Variants in USP34 observed in about 807,000 individuals in gnomAD.
USP34 encodes the protein ubiquitin carboxyl-terminal hydrolase 34.
In USP34, 70 loss-of-function variants were observed where a neutral mutation model predicts 460.3. That is an observed-to-expected ratio of 0.15 (90% CI 0.13 to 0.19). The LOEUF (loss-of-function observed/expected upper bound fraction) is 0.19, where lower values mean the gene tolerates loss of function less well. Among genes scored for constraint, USP34 ranks in the 10% least tolerant of loss-of-function variants. USP34 has a pLI of 1.00. For missense variants in USP34, 3,985 were observed against 4,236.2 expected, an observed-to-expected ratio of 0.94 and a Z score of 1.65; for synonymous variants, 1,647 against 1,405.3, an observed-to-expected ratio of 1.17 and a Z score of -3.85.
chr2:61,331,134 G>A, intron 20 of USP34, 142 bp downstream of exon 20: 1 of 707,568 alleles, frequency 1.4e-6, no homozygotes, highest in Non-Finnish European at 2.2e-6. Context: ...AAAAGTTCTA[G>A]CAGCCTTTTC....
chr2:61,288,858 G>A lies in USP34; in HGVS notation c.4568C>T (p.Ala1523Val). The A allele has an allele frequency of 5.0e-6, 8 of 1,612,958 alleles. No individual in the cohort carries two copies. Among genetic ancestry groups the A allele is most frequent in the Non-Finnish European group, 6.8e-6 (8 of 1,179,896 alleles). The change falls in exon 34 of 80, where the codon GCT becomes GTT. Residue 1523 changes from alanine to valine, a missense_variant. This residue lies in a region of USP34 where 1,114 missense variants were observed against 1,122.5 expected (regional missense o/e 0.99). Transcript: ENST00000398571. ...SWTVWQLDCL[A>V]CLLKLICQFA... is the part of the protein sequence containing the mutation. ...CTGGCATATTAACTTCAGCAAGCAA[G>A]CAAGACAGTCTAGCTGCCACTGTAA...
At chr2:61,371,725 C>T (rs1290497963) in intron 8 of USP34, among the ~76,000 whole-genome samples, 2 of 152,124 alleles carry the variant, frequency 1.3e-5, no homozygotes, top group African/African-American at 2.4e-5. Context: ...ATCTTCTCAG[C>T]GATCACTCAC....
At chr2:61,376,077 G>A (rs1158724579) in intron 8 of USP34, among the ~76,000 whole-genome samples, 2 of 151,670 alleles carry the variant, frequency 1.3e-5, no homozygotes, top group Non-Finnish European at 2.9e-5. Context: ...GCTACAAATG[G>A]GCAAAAGACA....
Position 61,192,887 on chromosome 2 carries a change from C to T in USP34, c.9588+14G>A. 1 of 1,609,440 alleles carries T rather than the reference C, an allele frequency of 6.2e-7. No homozygotes were observed. The highest frequency in any genetic ancestry group is 8.5e-7 in the Non-Finnish European group (1 of 1,176,962). On this transcript the variant is annotated intron_variant, in intron 76 of 79. Transcript: ENST00000398571. ...AAGATTAAAGACCAATCATCTAAAA[C>T]TCATTTTCTTTACCTGAGTCTGGCA...
intron 48 of USP34, among the ~76,000 whole-genome samples, chr2:61,249,042 CCAGATA>C (rs144843108): frequency 0.018 from 2,733 of 151,936 alleles, 37 homozygotes; most frequent in East Asian, 0.032. Context: ...TTTCCCTATT[CCAGATA>C]AAGTTTAATT....
intron 1 of USP34, among the ~76,000 whole-genome samples, chr2:61,446,193 C>A (rs1573050589): frequency 6.6e-6 from 1 of 151,070 alleles, no homozygotes; most frequent in East Asian, 1.9e-4. Context: ...ATACTTCATT[C>A]CATATTTTCC....
chr2:61,295,982 G>A (rs886112622), intron 30 of USP34, among the ~76,000 whole-genome samples: 3 of 152,168 alleles, frequency 2.0e-5, no homozygotes, highest in Admixed American at 6.5e-5. Flanking sequence ...CTTTAAGCCA[G>A]GAGCAGTGGC....
In USP34 at chr2:61,221,653, T is replaced by A. The variant is rs147397930; in HGVS notation, c.7795-47A>T. On this transcript the variant is annotated intron_variant, in intron 65 of 79. Coordinates refer to ENST00000398571, the MANE Select transcript of USP34 (RefSeq NM_014709.4). ...GTGTATTTAGATCAATCTGAACCCA[T>A]CTCCTTCAGCAGAGAAGAAACATAT... The A allele has an allele frequency of 4.0e-3, 6,202 of 1,558,144 alleles. 30 individuals are homozygous for A. The highest frequency in any genetic ancestry group is 4.8e-3 in the Non-Finnish European group (5,415 of 1,135,008).
chr2:61,393,477 C>G (rs1200458108), intron 5 of USP34, among the ~76,000 whole-genome samples: 1 of 149,980 alleles, frequency 6.7e-6, no homozygotes, highest in Non-Finnish European at 1.5e-5. Flanking sequence ...TGCTACACTA[C>G]TACTATATGT....
intron 4 of USP34, 27 bp downstream of exon 4, chr2:61,395,155 TA>T: frequency 6.7e-7 from 1 of 1,485,228 alleles, no homozygotes; most frequent in Non-Finnish European, 9.1e-7. Flanking sequence ...AAATTTTCCA[TA>T]AAAGAATAAA....
intron 5 of USP34, among the ~76,000 whole-genome samples, chr2:61,388,940 A>G (rs2103886573): frequency 6.6e-6 from 1 of 152,218 alleles, no homozygotes; most frequent in African/African-American, 2.4e-5. Flanking sequence ...AGTAAAATAA[A>G]TTGGTATATT....
chr2:61,464,066 T>A (rs1695688722), intron 1 of USP34, among the ~76,000 whole-genome samples: 1 of 152,138 alleles, frequency 6.6e-6, no homozygotes. Context: ...GCTTTAAAAA[T>A]AAAACACACT....
intron 43 of USP34, among the ~76,000 whole-genome samples, chr2:61,264,737 T>G (rs374156286): frequency 6.6e-6 from 1 of 151,938 alleles, no homozygotes; most frequent in Non-Finnish European, 1.5e-5. Context: ...AAATAGCCCA[T>G]AGTTGGCCGG....
At chr2:61,416,540 G>T (rs931931635) in intron 2 of USP34, among the ~76,000 whole-genome samples, 1 of 151,974 alleles carries the variant, frequency 6.6e-6, no homozygotes, top group Non-Finnish European at 1.5e-5. Flanking sequence ...ACTCAGTTTT[G>T]TAATAAGCTT....
chr2:61,282,221 C>T (rs1439584757), intron 37 of USP34, among the ~76,000 whole-genome samples: 1 of 152,170 alleles, frequency 6.6e-6, no homozygotes, highest in East Asian at 1.9e-4. Context: ...GCATTCCTGA[C>T]CTCATGTGAT....
chr2:61,302,799 TTTTG>T (rs1430894948), intron 27 of USP34, among the ~76,000 whole-genome samples: 1 of 152,150 alleles, frequency 6.6e-6, no homozygotes. Context: ...CCCAGGACTT[TTTTG>T]TTTTTTCTTT....
rs778649974 is a variant in USP34 at position 61,295,210 on chromosome 2, T to C, written c.4335A>G (p.Glu1445=). 8 of 1,612,186 alleles carry C rather than the reference T, an allele frequency of 5.0e-6. No homozygotes were observed. In the African/African-American group the frequency reaches 1.1e-4, roughly 22 times the overall value. The change falls in exon 31 of 80, where the codon GAA becomes GAG. Residue 1445 remains glutamate, a synonymous_variant. Transcript: ENST00000398571. ...TTCTTCTATTAGGTTTTCCCAGTGC[T>C]TCAATAATTTCCAGAGCATACAATA... The part of the protein sequence containing the change: ...HKLLYALEII[E]ALGKPNRRIR...
intron 10 of USP34, among the ~76,000 whole-genome samples, chr2:61,360,844 A>G (rs1340106663): frequency 6.6e-6 from 1 of 152,180 alleles, no homozygotes; most frequent in Non-Finnish European, 1.5e-5. Context: ...TTTGGTACAG[A>G]CAGGGTTTCA....
At chr2:61,437,764 C>A (rs1385364209) in intron 1 of USP34, among the ~76,000 whole-genome samples, 1 of 77,694 alleles carries the variant, frequency 1.3e-5, no homozygotes, top group African/African-American at 4.9e-5. Context: ...CAGAGCGAGA[C>A]TCCGTCTCAA....
Sources: gnomAD v4.1 joint callset for allele counts (sites outside exome capture counted in the v4.1 genomes callset) on GRCh38, gnomAD v4.1.1 for gene constraint, gnomAD v4.1.1 regional missense constraint, MANE v1.5 for transcripts, NCBI Gene and HGNC (gene_info 2026-07-23, HGNC 2026-07-21) for gene names.